PDGFD: variants seen among roughly 807,000 people sequenced by gnomAD.
PDGFD encodes platelet-derived growth factor D.
In PDGFD, 30 loss-of-function variants were observed where a neutral mutation model predicts 44.7. That is an observed-to-expected ratio of 0.67 (90% CI 0.50 to 0.91). The LOEUF is 0.91. Ranked by LOEUF, PDGFD falls within the 40% of genes least tolerant of loss-of-function variation. The probability of loss-of-function intolerance (pLI) is 0.00; values close to 1 mark genes in which losing one functional copy is unlikely to be tolerated. For missense variants in PDGFD, 445 were observed against 457.8 expected, an observed-to-expected ratio of 0.97 and a Z score of 0.25; for synonymous variants, 173 against 168.4, an observed-to-expected ratio of 1.03 and a Z score of -0.21.
chr11:104,027,987 G>A (rs370878205), intron 1 of PDGFD, among the ~76,000 whole-genome samples: 143 of 152,032 alleles, frequency 9.4e-4, no homozygotes, highest in African/African-American at 3.4e-3. Flanking sequence ...TCAGGAGATC[G>A]AGACCATCCT....
intron 1 of PDGFD, among the ~76,000 whole-genome samples, chr11:104,134,717 T>C (rs963088675): frequency 2.0e-5 from 3 of 152,186 alleles, no homozygotes; most frequent in Non-Finnish European, 4.4e-5. Context: ...TCCTGGAAGT[T>C]GAGGCAGTAT....
chr11:104,059,837 C>T (rs1860683537), intron 1 of PDGFD, among the ~76,000 whole-genome samples: 1 of 152,204 alleles, frequency 6.6e-6, no homozygotes. Context: ...AGGATCTTAG[C>T]TTATATATCT....
Position 104,055,072 on chromosome 11 carries a change from C to T in PDGFD, c.125-54817G>A, listed in dbSNP as rs985001000. Among the ~76,000 whole-genome samples the T allele has an allele frequency of 3.3e-5, 5 of 152,318 alleles. No individual in the cohort carries two copies. The South Asian group carries it at 1.0e-3, about 32-fold the overall frequency. The stretch of plus-strand genomic sequence containing the variant: ...AAATGTCCTTGGTTCCTACCAATGG[C>T]TTTTACACAAATGTCATGTATGTTC... On this transcript the variant is annotated intron_variant, in intron 1 of 6. Coordinates refer to ENST00000393158, the MANE Select transcript of PDGFD (RefSeq NM_025208.5).
intron 1 of PDGFD, among the ~76,000 whole-genome samples, chr11:104,128,533 G>A (rs969980890): frequency 6.6e-6 from 1 of 152,112 alleles, no homozygotes; most frequent in Non-Finnish European, 1.5e-5. Context: ...ATGGCTCCAT[G>A]CATGATTGCG....
chr11:103,978,280 T>C (rs913492318), intron 3 of PDGFD, among the ~76,000 whole-genome samples: 1 of 152,068 alleles, frequency 6.6e-6, no homozygotes, highest in African/African-American at 2.4e-5. Context: ...GTTCTTAAGG[T>C]TGCAGGGCTG....
chr11:103,945,101 T>G (rs1858649915), intron 4 of PDGFD, among the ~76,000 whole-genome samples: 1 of 152,186 alleles, frequency 6.6e-6, no homozygotes, highest in African/African-American at 2.4e-5. Context: ...AATGATCATT[T>G]ATCTGGAGGC....
At chr11:104,131,714 C>T (rs12277818) in intron 1 of PDGFD, among the ~76,000 whole-genome samples, 19,770 of 149,086 alleles carry the variant, frequency 0.13, 1,429 homozygotes, top group East Asian at 0.3. Flanking sequence ...TTTGCTGCCA[C>T]CAATGAGAAG....
intron 1 of PDGFD, among the ~76,000 whole-genome samples, chr11:104,122,089 A>G (rs1210198393): frequency 6.6e-6 from 1 of 152,038 alleles, no homozygotes; most frequent in Non-Finnish European, 1.5e-5. Context: ...CCCTTTTAAC[A>G]AAAAGCAGCC....
intron 5 of PDGFD, among the ~76,000 whole-genome samples, chr11:103,931,609 C>T (rs951811149): frequency 6.6e-6 from 1 of 151,972 alleles, no homozygotes; most frequent in Non-Finnish European, 1.5e-5. Context: ...TTTTTTGAGA[C>T]AGAGTCTTGC....
At chr11:103,970,042 A>C (rs1859080697) in intron 3 of PDGFD, among the ~76,000 whole-genome samples, 1 of 152,086 alleles carries the variant, frequency 6.6e-6, no homozygotes, top group African/African-American at 2.4e-5. Context: ...GAGAGGGGTT[A>C]AATTATTTAC....
At chr11:104,108,357 AG>A (rs1861499072) in intron 1 of PDGFD, among the ~76,000 whole-genome samples, 1 of 113,716 alleles carries the variant, frequency 8.8e-6, no homozygotes, top group Non-Finnish European at 1.8e-5. Context: ...CAAATTTATA[AG>A]AAAAAAAAAA....
intron 6 of PDGFD, among the ~76,000 whole-genome samples, chr11:103,911,967 T>A (rs35992620): frequency 0.46 from 69,145 of 151,288 alleles, 15,841 homozygotes; most frequent in South Asian, 0.49. Context: ...CCTCCAAGAA[T>A]TATGGGACTA....
chr11:104,039,728 T>C (rs1442446612), intron 1 of PDGFD, among the ~76,000 whole-genome samples: 1 of 152,092 alleles, frequency 6.6e-6, no homozygotes, highest in Non-Finnish European at 1.5e-5. Context: ...ATAAGCAAAA[T>C]GCTTATGAAT....
intron 1 of PDGFD, among the ~76,000 whole-genome samples, chr11:104,112,192 C>T (rs1011143982): frequency 4.0e-5 from 6 of 151,778 alleles, no homozygotes; most frequent in Admixed American, 6.6e-5. Flanking sequence ...AGAATAGGGC[C>T]TGTATTTTTT....
chr11:104,140,320 T>C (rs1162715077), intron 1 of PDGFD, among the ~76,000 whole-genome samples: 2 of 152,136 alleles, frequency 1.3e-5, no homozygotes, highest in Non-Finnish European at 2.9e-5. Flanking sequence ...AAAATTACTT[T>C]AGCACAAAAT....
chr11:104,117,053 C>T (rs1337820825), intron 1 of PDGFD, among the ~76,000 whole-genome samples: 3 of 151,862 alleles, frequency 2.0e-5, no homozygotes, highest in African/African-American at 7.2e-5. Context: ...AGGTTTCATA[C>T]CAGGGATGCA....
intron 1 of PDGFD, among the ~76,000 whole-genome samples, chr11:104,067,152 G>A (rs1004237221): frequency 6.6e-6 from 1 of 152,140 alleles, no homozygotes; most frequent in African/African-American, 2.4e-5. Context: ...CAGTTCCCAT[G>A]ATTGTACACA....
chr11:104,059,377 T>C (rs896312458), intron 1 of PDGFD, among the ~76,000 whole-genome samples: 3 of 152,224 alleles, frequency 2.0e-5, no homozygotes, highest in Admixed American at 2.0e-4. Context: ...GCAATTTCAT[T>C]AGGACATGAT....
chr11:104,063,706 G>A (rs1289570637), intron 1 of PDGFD, among the ~76,000 whole-genome samples: 3 of 152,102 alleles, frequency 2.0e-5, no homozygotes, highest in African/African-American at 4.8e-5. Context: ...ATGGCAGCAC[G>A]GGAGAGAGAA....
Sources: gnomAD v4.1 joint callset for allele counts (sites outside exome capture counted in the v4.1 genomes callset) on GRCh38, gnomAD v4.1.1 for gene constraint, MANE v1.5 for transcripts, NCBI Gene and HGNC (gene_info 2026-07-23, HGNC 2026-07-21) for gene names.